FRMD4A: variants seen among roughly 807,000 people sequenced by gnomAD.
FRMD4A encodes the protein FERM domain-containing protein 4A.
In FRMD4A, 29 loss-of-function variants were observed where a neutral mutation model predicts 129.1. That is an observed-to-expected ratio of 0.22 (90% CI 0.17 to 0.31). The LOEUF (loss-of-function observed/expected upper bound fraction) is 0.31. Among genes scored for constraint, FRMD4A ranks in the 10% least tolerant of loss-of-function variants. The pLI is 1.00. For synonymous variants in FRMD4A, 634 were observed against 571.6 expected, an observed-to-expected ratio of 1.11 and a Z score of -1.56; for missense variants, 1,272 against 1,375.8, an observed-to-expected ratio of 0.92 and a Z score of 1.19.
At position 14,330,318 on chromosome 10, in the gene FRMD4A, A is replaced by G. The variant is rs998690248; in HGVS notation, c.-81-135T>C. On this transcript the variant is annotated intron_variant, in intron 1 of 24. Coordinates refer to ENST00000357447, the MANE Select transcript of FRMD4A (RefSeq NM_018027.5). ...CTGTGCTTAGGGAGGAAAAAAAAAA[A>G]AAGAAGAAGGAAAATAGGAAGCTGC... 1.0e-4 allele frequency: 57 copies of G among 548,354 alleles called. 1 individual carries two copies. Among genetic ancestry groups the G allele is most frequent in the East Asian group, 5.8e-4 (20 of 34,654 alleles). 34.0% of individuals were successfully genotyped at this position (548,354 alleles called of 1,614,324 possible). A position where few individuals can be genotyped will look rare whatever the true frequency, so the allele number is the denominator to read the frequency against.
intron 2 of FRMD4A, among the ~76,000 whole-genome samples, chr10:13,882,536 T>C (rs184545028): frequency 8.5e-5 from 13 of 152,266 alleles, no homozygotes; most frequent in African/African-American, 2.4e-4. Context: ...TGAGGCTGCT[T>C]TGGGGAATAG....
intron 2 of FRMD4A, among the ~76,000 whole-genome samples, chr10:14,317,509 C>A (rs192846782): frequency 6.6e-6 from 1 of 152,162 alleles, no homozygotes; most frequent in Non-Finnish European, 1.5e-5. Flanking sequence ...TGTGTTGCAA[C>A]TGTTTGTTTA....
Position 14,208,557 on chromosome 10 carries a change from T to C in FRMD4A, c.45+121501A>G, listed in dbSNP as rs115322533. On this transcript the variant is annotated intron_variant, in intron 2 of 24. Transcript: ENST00000357447. ...GGAGGAGGGGACTCTGCGAACCTCC[T>C]ACCTGGGCTGAAGGAAGGCCACTCA... Among the ~76,000 whole-genome samples the C allele has an allele frequency of 3.9e-3, 594 of 152,136 alleles. 4 individuals are homozygous for C. The highest frequency in any genetic ancestry group is 0.013 in the African/African-American group (548 of 41,520).
At chr10:13,716,677 ACCC>A (rs2088841272) in intron 12 of FRMD4A, among the ~76,000 whole-genome samples, 1 of 152,144 alleles carries the variant, frequency 6.6e-6, no homozygotes, top group Non-Finnish European at 1.5e-5. Context: ...CCTCTTTTTA[ACCC>A]ATCAAAAACC....
intron 2 of FRMD4A, among the ~76,000 whole-genome samples, chr10:14,073,319 T>C (rs1434375997): frequency 6.6e-6 from 1 of 151,956 alleles, no homozygotes; most frequent in African/African-American, 2.4e-5. Flanking sequence ...AGGTGACAGA[T>C]GGGATGAAGC....
chr10:14,069,780 A>G (rs969554187), intron 2 of FRMD4A, among the ~76,000 whole-genome samples: 7 of 152,304 alleles, frequency 4.6e-5, no homozygotes, highest in African/African-American at 1.7e-4. Context: ...AGCAAAATCT[A>G]AAAGTTAGTT....
chr10:14,201,646 T>A (rs1367088727), intron 2 of FRMD4A, among the ~76,000 whole-genome samples: 1 of 152,208 alleles, frequency 6.6e-6, no homozygotes, highest in African/African-American at 2.4e-5. Context: ...GAGAAAGCTG[T>A]TACTCTTGGC....
intron 2 of FRMD4A, among the ~76,000 whole-genome samples, chr10:14,064,554 C>T (rs1834964633): frequency 6.6e-6 from 1 of 152,138 alleles, no homozygotes; most frequent in South Asian, 2.1e-4. Flanking sequence ...TCCTGGTGAA[C>T]TTCAGCAGTG....
intron 2 of FRMD4A, among the ~76,000 whole-genome samples, chr10:13,960,491 T>C (rs1001041890): frequency 6.6e-6 from 1 of 152,184 alleles, no homozygotes; most frequent in Non-Finnish European, 1.5e-5. Flanking sequence ...TCTAAGTACT[T>C]TATATATATA....
chr10:14,148,955 C>T (rs1840215141), intron 2 of FRMD4A, among the ~76,000 whole-genome samples: 1 of 152,092 alleles, frequency 6.6e-6, no homozygotes, highest in African/African-American at 2.4e-5. Flanking sequence ...TATGGATGCT[C>T]ACACACTTGT....
At chr10:13,650,454 C>A (rs893457026) in intron 24 of FRMD4A, among the ~76,000 whole-genome samples, 15 of 152,200 alleles carry the variant, frequency 9.9e-5, no homozygotes, top group Middle Eastern at 3.2e-3. Flanking sequence ...GTAGGTATTT[C>A]AAGCAGTGCC....
chr10:13,772,128 T>C (rs1323887426), intron 6 of FRMD4A, among the ~76,000 whole-genome samples: 3 of 144,542 alleles, frequency 2.1e-5, no homozygotes, highest in Non-Finnish European at 3.0e-5. Context: ...AAAAAATATA[T>C]ATATTATATA....
At chr10:13,687,482 A>C (rs1441544155) in intron 15 of FRMD4A, among the ~76,000 whole-genome samples, 1 of 152,118 alleles carries the variant, frequency 6.6e-6, no homozygotes, top group Admixed American at 6.6e-5. Context: ...CTCCCCTCCA[A>C]CATTTTCTGG....
intron 3 of FRMD4A, among the ~76,000 whole-genome samples, chr10:13,814,171 T>C (rs1042998657): frequency 6.6e-6 from 1 of 152,222 alleles, no homozygotes; most frequent in African/African-American, 2.4e-5. Flanking sequence ...TGATTATGCC[T>C]GGTCAACCCA....
At chr10:14,330,257 A>G (rs1843464586) in intron 1 of FRMD4A, 74 bp from the exon 2 acceptor site, 1 of 674,262 alleles carries the variant, frequency 1.5e-6, no homozygotes, top group Non-Finnish European at 2.6e-6. Flanking sequence ...CCTTTCACAC[A>G]GGGTGGGGAG....
Position 13,657,173 on chromosome 10 carries a change from C to A in FRMD4A, c.2416G>T (p.Ala806Ser). 2 of 1,497,226 alleles carry A rather than the reference C, an allele frequency of 1.3e-6. No individual in the cohort carries two copies. Among genetic ancestry groups the A allele is most frequent in the Non-Finnish European group, 1.8e-6 (2 of 1,129,742 alleles). The allele number at this position is 1,497,226 out of a possible 1,614,324, so 92.7% of individuals were successfully genotyped here. A position where few individuals can be genotyped will look rare whatever the true frequency, so the allele number is the denominator to read the frequency against. The change falls in exon 22 of 25, where the codon GCG (alanine) becomes TCG (serine). Residue 806 changes from alanine (A) to serine (S), a missense_variant. By Grantham distance (99) the Ala-to-Ser change is moderately conservative (BLOSUM62 1). Transcript: ENST00000357447. ...CCCGCGCCCCCCGCACCCCCGCGCG[C>A]CGCCAGGTTGGGCATGCTGCCCGAG... ...ASSGSMPNLA[A>S]RGGAGGAGGA...
intron 2 of FRMD4A, among the ~76,000 whole-genome samples, chr10:14,311,344 G>A (rs922880421): frequency 6.6e-6 from 1 of 152,106 alleles, no homozygotes; most frequent in Non-Finnish European, 1.5e-5. Context: ...CAAAGCTTTG[G>A]AACATAAGAA....
At chr10:14,117,711 G>C (rs188861699) in intron 2 of FRMD4A, among the ~76,000 whole-genome samples, 10 of 152,186 alleles carry the variant, frequency 6.6e-5, no homozygotes, top group Non-Finnish European at 1.2e-4. Context: ...TGAAGAGCTG[G>C]CTACGTTCAT....
At chr10:13,956,883 G>A (rs2095413003) in intron 2 of FRMD4A, among the ~76,000 whole-genome samples, 1 of 152,184 alleles carries the variant, frequency 6.6e-6, no homozygotes, top group Admixed American at 6.5e-5. Flanking sequence ...TGGGAAGGGG[G>A]AAAGTGTAGA....
Sources: gnomAD v4.1 joint callset for allele counts (sites outside exome capture counted in the v4.1 genomes callset) on GRCh38, gnomAD v4.1.1 for gene constraint, MANE v1.5 for transcripts, NCBI Gene and HGNC (gene_info 2026-07-23, HGNC 2026-07-21) for gene names.